DMD: variants seen among roughly 807,000 people sequenced by gnomAD.
DMD encodes mutant dystrophin.
Under a neutral mutation model 330.1 loss-of-function variants are expected in DMD, and 63 were observed. The ratio of observed to expected loss-of-function variants is 0.19; its 90% CI spans 0.16 to 0.24. The LOEUF (loss-of-function observed/expected upper bound fraction) is 0.24. Ranked by LOEUF, DMD falls within the 10% of genes least tolerant of loss-of-function variation. The pLI is 1.00. For missense variants in DMD, 3,344 were observed against 2,684.1 expected, an observed-to-expected ratio of 1.25 and a Z score of -5.43; for synonymous variants, 1,223 against 959.8, an observed-to-expected ratio of 1.27 and a Z score of -5.07.
chrX:31,374,003 T>C lies in DMD; in HGVS notation c.9085-25369A>G, dbSNP rs746051237. Reference sequence around the variant, plus strand: ...AAAAACAAACAACCCCATCAAAAAGTGGGCGAAGGACATGAACAGACACTT... The same window carrying C: ...AAAAACAAACAACCCCATCAAAAAGCGGGCGAAGGACATGAACAGACACTT... On this transcript the variant is annotated intron_variant, in intron 60 of 78. Transcript: ENST00000357033. Among the ~76,000 whole-genome samples, 223 of 106,124 alleles carry C rather than the reference T, an allele frequency of 2.1e-3. 1 individual carries two copies. The highest frequency in any genetic ancestry group is 3.2e-3 in the Non-Finnish European group (166 of 51,753). The allele number at this position is 106,124 out of a possible 115,157, so 92.2% of individuals were successfully genotyped here.
chrX:32,845,122 C>G (rs1490922108), intron 3 of DMD, among the ~76,000 whole-genome samples: 1 of 111,733 alleles, frequency 8.9e-6, no homozygotes, highest in Non-Finnish European at 1.9e-5. Context: ...CATTCTATAG[C>G]CCAGTTGGGG....
chrX:31,645,329 G>T (rs1176141930), intron 54 of DMD, among the ~76,000 whole-genome samples: 2 of 111,841 alleles, frequency 1.8e-5, no homozygotes, highest in East Asian at 5.6e-4. Flanking sequence ...ATTCAAATAG[G>T]CTCTGCCAGA....
intron 48 of DMD, among the ~76,000 whole-genome samples, chrX:31,869,202 C>G (rs949622962): frequency 8.1e-5 from 9 of 111,044 alleles, no homozygotes; most frequent in Non-Finnish European, 1.7e-4. Flanking sequence ...TTAAAATAGC[C>G]TATTTGGTAA....
intron 47 of DMD, among the ~76,000 whole-genome samples, chrX:31,888,907 C>T (rs931765046): frequency 8.9e-6 from 1 of 112,080 alleles, no homozygotes; most frequent in East Asian, 2.8e-4. Flanking sequence ...AAGTGGATTT[C>T]CTTTTTAAAG....
chrX:32,617,128 A>T (rs1295178035), intron 11 of DMD, among the ~76,000 whole-genome samples: 1 of 110,768 alleles, frequency 9.0e-6, no homozygotes, highest in Non-Finnish European at 1.9e-5. Flanking sequence ...AGTTCACCCA[A>T]TACAATGCGG....
chrX:33,166,507 C>T lies in DMD; in HGVS notation c.31+44775G>A, dbSNP rs138290232. Among the ~76,000 whole-genome samples the T allele has an allele frequency of 6.8e-3, 749 of 110,961 alleles. 7 individuals are homozygous for T. Among genetic ancestry groups the T allele is most frequent in the African/African-American group, 0.022 (679 of 30,723 alleles). ...ATACTTAATTTCTAAAAATTGAAAG[C>T]GCAAAGTTATTTTGATTTGTAAAGT... On this transcript the variant is annotated intron_variant, in intron 1 of 78. Coordinates refer to ENST00000357033, the MANE Select transcript of DMD (RefSeq NM_004006.3).
intron 1 of DMD, among the ~76,000 whole-genome samples, chrX:33,079,639 T>C (rs913513427): frequency 9.0e-6 from 1 of 111,600 alleles, no homozygotes; most frequent in Non-Finnish European, 1.9e-5. Flanking sequence ...TTTTGGACTT[T>C]AGAGGACCTA....
chrX:31,243,363 G>A (rs1569497591), intron 63 of DMD, among the ~76,000 whole-genome samples: 1 of 111,619 alleles, frequency 9.0e-6, no homozygotes, highest in East Asian at 2.8e-4. Context: ...CACTAAGGAT[G>A]GATAAAGGGA....
At chrX:32,439,587 A>G (rs1486758852) in intron 28 of DMD, among the ~76,000 whole-genome samples, 1 of 111,399 alleles carries the variant, frequency 9.0e-6, no homozygotes, top group Non-Finnish European at 1.9e-5. Context: ...GATGAAAAGC[A>G]ACAAAGCAAA....
intron 44 of DMD, among the ~76,000 whole-genome samples, chrX:32,002,177 A>G (rs913021745): frequency 8.9e-6 from 1 of 111,764 alleles, no homozygotes; most frequent in Non-Finnish European, 1.9e-5. Flanking sequence ...GTGTCTTTTA[A>G]TTCAATGTCA....
chrX:31,646,694 C>T (rs1156556544), intron 54 of DMD, among the ~76,000 whole-genome samples: 1 of 111,758 alleles, frequency 8.9e-6, no homozygotes, highest in Non-Finnish European at 1.9e-5. Context: ...CTCCAGTCTG[C>T]TCTTTCCCAT....
intron 55 of DMD, among the ~76,000 whole-genome samples, chrX:31,518,642 T>C (rs1270425387): frequency 3.6e-5 from 4 of 109,945 alleles, no homozygotes; most frequent in African/African-American, 1.0e-4. Flanking sequence ...ATATTTGTTT[T>C]TGCAGAGCCA....
chrX:32,653,102 G>A (rs1307370483), intron 9 of DMD, among the ~76,000 whole-genome samples: 4 of 111,634 alleles, frequency 3.6e-5, no homozygotes, highest in Non-Finnish European at 7.5e-5. Flanking sequence ...CTCCCATTCT[G>A]TAGGTTGCCT....
At chrX:32,761,909 G>A (rs2072350055) in intron 7 of DMD, among the ~76,000 whole-genome samples, 2 of 111,005 alleles carry the variant, frequency 1.8e-5, no homozygotes, top group Admixed American at 9.6e-5. Context: ...CCAGCACTTT[G>A]GGAGGCCGAG....
At chrX:32,000,622 C>T (rs112743391) in intron 44 of DMD, among the ~76,000 whole-genome samples, 75 of 111,562 alleles carry the variant, frequency 6.7e-4, no homozygotes, top group Non-Finnish European at 6.4e-4. Context: ...TTTCACATAA[C>T]ACCAGTGACC....
At chrX:31,253,025 C>T (rs1231925561) in intron 63 of DMD, among the ~76,000 whole-genome samples, 10 of 111,851 alleles carry the variant, frequency 8.9e-5, no homozygotes, top group Non-Finnish European at 1.9e-4. Context: ...TATGATTATC[C>T]TATTATTCAT....
chrX:32,934,370 C>A (rs1297709865), intron 2 of DMD, among the ~76,000 whole-genome samples: 1 of 110,517 alleles, frequency 9.0e-6, no homozygotes, highest in Non-Finnish European at 1.9e-5. Flanking sequence ...GCCTGGGCAA[C>A]AAAGAGAGAC....
chrX:32,824,749 C>T (rs758471110), intron 4 of DMD, among the ~76,000 whole-genome samples: 1 of 112,132 alleles, frequency 8.9e-6, no homozygotes, highest in Non-Finnish European at 1.9e-5. Flanking sequence ...CACACATATG[C>T]ATGCACACAT....
intron 61 of DMD, among the ~76,000 whole-genome samples, chrX:31,333,815 A>G (rs769431677): frequency 9.0e-6 from 1 of 111,597 alleles, no homozygotes; most frequent in African/African-American, 3.3e-5. Flanking sequence ...TATCTCATTA[A>G]AACATTAGTG....
Sources: gnomAD v4.1 joint callset for allele counts (sites outside exome capture counted in the v4.1 genomes callset) on GRCh38, gnomAD v4.1.1 for gene constraint, MANE v1.5 for transcripts, NCBI Gene and HGNC (gene_info 2026-07-23, HGNC 2026-07-21) for gene names.